Variants in MAST4 observed in about 807,000 individuals in gnomAD.
MAST4 encodes the protein microtubule-associated serine/threonine-protein kinase 4.
A neutral mutation model predicts 162.7 loss-of-function variants in MAST4; 89 were observed. The observed-to-expected ratio is 0.55, with a 90% CI of 0.46 to 0.65. The LOEUF (loss-of-function observed/expected upper bound fraction) is 0.65. MAST4 is among the 30% of genes least tolerant of loss of function. The pLI is 0.00. For synonymous variants in MAST4, 1,479 were observed against 1,361.1 expected, an observed-to-expected ratio of 1.09 and a Z score of -1.91; for missense variants, 3,153 against 3,374.0, an observed-to-expected ratio of 0.93 and a Z score of 1.62.
At chr5:67,147,484 C>A (rs1189897347) in intron 23 of MAST4, among the ~76,000 whole-genome samples, 2 of 152,198 alleles carry the variant, frequency 1.3e-5, no homozygotes, top group Non-Finnish European at 2.9e-5. Flanking sequence ...CACACTCTGG[C>A]ATTTAGGGAA....
intron 4 of MAST4, among the ~76,000 whole-genome samples, chr5:67,025,455 T>A (rs1304847022): frequency 7.9e-5 from 12 of 152,180 alleles, no homozygotes; most frequent in Admixed American, 7.9e-4. Context: ...ATAATTTTTT[T>A]AAACAAGCCA....
At chr5:66,666,680 A>G (rs1015873992) in intron 1 of MAST4, among the ~76,000 whole-genome samples, 4 of 152,202 alleles carry the variant, frequency 2.6e-5, no homozygotes, top group African/African-American at 7.2e-5. Flanking sequence ...TTTCCATAAA[A>G]TGTGTAAGCC....
chr5:66,975,203 T>A (rs1747980024), intron 4 of MAST4, among the ~76,000 whole-genome samples: 1 of 152,126 alleles, frequency 6.6e-6, no homozygotes, highest in Non-Finnish European at 1.5e-5. Context: ...ACATCTTGAT[T>A]TCAGCCCTTT....
intron 1 of MAST4, among the ~76,000 whole-genome samples, chr5:66,668,906 A>G (rs1406276575): frequency 6.6e-6 from 1 of 152,186 alleles, no homozygotes; most frequent in Non-Finnish European, 1.5e-5. Context: ...GACTTAGCAG[A>G]TCTGCTTTGG....
intron 5 of MAST4, among the ~76,000 whole-genome samples, chr5:67,068,188 T>G (rs1272827607): frequency 3.3e-5 from 5 of 152,186 alleles, no homozygotes; most frequent in Admixed American, 2.0e-4. Flanking sequence ...ACACAGTGTT[T>G]AGATGAATGA....
Position 66,795,977 on chromosome 5 carries a change from C to G in MAST4, c.642+7183C>G, listed in dbSNP as rs576629915. On this transcript the variant is annotated intron_variant, in intron 3 of 28. Transcript: ENST00000403625. ...TAGTTATTACCCTCTGAGCTAGGTTCTGTTTATAGTGAAGGGATGAATTTT... is the reference window on the plus strand; with the variant it reads ...TAGTTATTACCCTCTGAGCTAGGTTGTGTTTATAGTGAAGGGATGAATTTT... Among the ~76,000 whole-genome samples the G allele has an allele frequency of 2.6e-5, 4 of 152,220 alleles. No individual in the cohort carries two copies. In the South Asian group the frequency reaches 6.2e-4, roughly 24 times the overall value.
At chr5:66,864,992 A>G (rs1017694731) in intron 3 of MAST4, among the ~76,000 whole-genome samples, 1 of 36,614 alleles carries the variant, frequency 2.7e-5, no homozygotes, top group Non-Finnish European at 9.2e-5. Context: ...GGCATTAGAC[A>G]TGGGGCAGTG....
intron 4 of MAST4, among the ~76,000 whole-genome samples, chr5:66,932,269 G>A (rs1742271523): frequency 1.3e-5 from 2 of 152,120 alleles, no homozygotes; most frequent in Admixed American, 6.6e-5. Context: ...CATGGAGAGA[G>A]GGGTTCAGTC....
chr5:67,150,112 A>C (rs1276960109), intron 24 of MAST4, among the ~76,000 whole-genome samples: 2 of 152,230 alleles, frequency 1.3e-5, no homozygotes, highest in Non-Finnish European at 2.9e-5. Context: ...CAGTTGAGCT[A>C]TGCTTCCTCC....
At position 66,863,013 on chromosome 5, in the gene MAST4, T is replaced by C. The variant is rs150138135; in HGVS notation, c.643-36938T>C. The stretch of plus-strand genomic sequence containing the variant: ...CCTAATGTTGAATAACTTTAAAAGG[T>C]AAATTGAAGTATAACAGGGTTGGGA... On this transcript the variant is annotated intron_variant, in intron 3 of 28. Transcript: ENST00000403625. Among the ~76,000 whole-genome samples, 8 of 152,308 alleles carry C rather than the reference T, an allele frequency of 5.3e-5. No individual in the cohort carries two copies. The East Asian group carries it at 1.3e-3, about 26-fold the overall frequency.
rs1774199248 is a variant in MAST4 at position 67,167,604 on chromosome 5, G to A, written c.*553G>A. 1.3e-5 allele frequency: 2 copies of A among 152,224 alleles called. No individual in the cohort carries two copies. Among genetic ancestry groups the A allele is most frequent in the Admixed American group, 6.5e-5 (1 of 15,278 alleles). The allele number at this position is 152,224 out of a possible 1,614,324, so 9.4% of individuals were successfully genotyped here. A position where few individuals can be genotyped will look rare whatever the true frequency, so the allele number is the denominator to read the frequency against. ...TATAAGCTAAAACATTCTAAGTTAA[G>A]ATGGAAGAAAGCCCTAAACACAGTA... On this transcript the variant is annotated 3_prime_UTR_variant, in exon 29 of 29. Coordinates refer to ENST00000403625, the MANE Select transcript of MAST4 (RefSeq NM_001164664.2).
At chr5:66,673,530 G>A (rs59345670) in intron 1 of MAST4, among the ~76,000 whole-genome samples, 39 of 106,550 alleles carry the variant, frequency 3.7e-4, no homozygotes, top group Non-Finnish European at 5.7e-4. Flanking sequence ...TTTGTTTTTT[G>A]TTTTTTTTTT....
intron 4 of MAST4, chr5:66,959,344 C>T (rs1287154015): frequency 1.3e-6 from 1 of 778,904 alleles, no homozygotes; most frequent in Admixed American, 1.7e-5. Flanking sequence ...ATGGCACTCG[C>T]TTTCTGGCGA....
intron 4 of MAST4, among the ~76,000 whole-genome samples, chr5:66,992,325 G>A (rs1319687026): frequency 2.6e-5 from 4 of 152,120 alleles, no homozygotes; most frequent in African/African-American, 9.7e-5. Flanking sequence ...ATCAAGAACT[G>A]ATGTCCTTTT....
intron 1 of MAST4, among the ~76,000 whole-genome samples, chr5:66,630,093 A>G (rs1744700869): frequency 6.6e-6 from 1 of 151,614 alleles, no homozygotes; most frequent in African/African-American, 2.4e-5. Flanking sequence ...AGGAACTTGG[A>G]AAAAAAAATC....
intron 2 of MAST4, 63 bp from the exon 3 acceptor site, chr5:66,788,607 C>CCAAGCCA: frequency 1.5e-6 from 2 of 1,373,724 alleles, no homozygotes; most frequent in Non-Finnish European, 2.0e-6. Flanking sequence ...CCCCCACCCC[C>CCAAGCCA]ATTGCAATAA....
At chr5:66,624,144 ATG>A (rs1744256857) in intron 1 of MAST4, among the ~76,000 whole-genome samples, 1 of 81,802 alleles carries the variant, frequency 1.2e-5, no homozygotes. Context: ...TATTGTTAAA[ATG>A]TTTTTTTTTT....
rs371204477 is a variant in MAST4 at position 67,165,139 on chromosome 5, C to A, written c.5960C>A (p.Ala1987Asp). Residue 1987 changes from alanine (A) to aspartate (D), a missense_variant, in exon 29 of 29, where the codon GCT becomes GAT. Coordinates refer to ENST00000403625, the MANE Select transcript of MAST4 (RefSeq NM_001164664.2). Reference sequence around the variant, plus strand: ...CCCACAGCCAGAAGCGAGCGCTCTGCTGCGAGGGCTGACACATGCAGAGAG... The same window carrying A: ...CCCACAGCCAGAAGCGAGCGCTCTGATGCGAGGGCTGACACATGCAGAGAG... ...GPPTARSERS[A>D]ARADTCREPS... The A allele has an allele frequency of 1.4e-5, 23 of 1,590,702 alleles. No homozygotes were observed. Among genetic ancestry groups the A allele is most frequent in the Non-Finnish European group, 2.0e-5 (23 of 1,168,540 alleles).
At chr5:67,142,077 T>G in intron 19 of MAST4, 38 bp from the exon 20 acceptor site, 1 of 1,604,544 alleles carries the variant, frequency 6.2e-7, no homozygotes. Flanking sequence ...GGGGATAGTT[T>G]AACACTTTCC....
Sources: gnomAD v4.1 joint callset for allele counts (sites outside exome capture counted in the v4.1 genomes callset) on GRCh38, gnomAD v4.1.1 for gene constraint, MANE v1.5 for transcripts, NCBI Gene and HGNC (gene_info 2026-07-23, HGNC 2026-07-21) for gene names.